ADAM12: variants seen among roughly 807,000 people sequenced by gnomAD.
The protein encoded by ADAM12 is ADAM metallopeptidase domain 12, also known as disintegrin and metalloproteinase domain-containing protein 12.
ADAM12 carries 70 observed loss-of-function variants against 106.4 expected under a neutral mutation model. The ratio of observed to expected loss-of-function variants is 0.66; its 90% CI spans 0.54 to 0.80. The LOEUF is 0.80. Ranked by LOEUF, ADAM12 falls within the 30% of genes least tolerant of loss-of-function variation. ADAM12 has a pLI of 0.00. For missense variants in ADAM12, 1,010 were observed against 1,171.9 expected, an observed-to-expected ratio of 0.86 and a Z score of 2.02; for synonymous variants, 420 against 433.5, an observed-to-expected ratio of 0.97 and a Z score of 0.39.
intron 3 of ADAM12, among the ~76,000 whole-genome samples, chr10:126,244,863 T>C: frequency 6.6e-6 from 1 of 152,038 alleles, no homozygotes; most frequent in East Asian, 1.9e-4. Context: ...GAAGATGATA[T>C]TGGAGTTGTA....
chr10:126,327,220 A>G (rs1406090967), intron 2 of ADAM12, among the ~76,000 whole-genome samples: 1 of 152,030 alleles, frequency 6.6e-6, no homozygotes, highest in Non-Finnish European at 1.5e-5. Context: ...TTGTCTTCAC[A>G]CTCTAGGATG....
rs534188658 is a variant in ADAM12 at position 126,322,547 on chromosome 10, C to T, written c.186+7865G>A. On this transcript the variant is annotated intron_variant, in intron 2 of 22. Coordinates refer to ENST00000448723, the MANE Select transcript of ADAM12 (RefSeq NM_001288973.2). ...GGAACTCCCAGGCCAGTGCCCTCCC[C>T]CCACACACAGCAAAGGCTTATCCAG... 1.7e-3 allele frequency among the ~76,000 whole-genome samples: 260 copies of T among 152,316 alleles called. 7 individuals carry two copies. The highest frequency in any genetic ancestry group is 0.01 in the South Asian group (49 of 4,834).
intron 14 of ADAM12, among the ~76,000 whole-genome samples, chr10:126,054,932 C>T (rs569364478): frequency 2.2e-4 from 34 of 152,200 alleles, no homozygotes; most frequent in African/African-American, 7.2e-4. Flanking sequence ...ACACCTGTAA[C>T]GATTCATGAT....
At chr10:126,333,011 G>T (rs889522894) in intron 1 of ADAM12, among the ~76,000 whole-genome samples, 1 of 152,172 alleles carries the variant, frequency 6.6e-6, no homozygotes, top group Non-Finnish European at 1.5e-5. Context: ...TAGCAGTTAT[G>T]GGGTGAAAAC....
rs1953597113 is a variant in ADAM12 at position 126,013,064 on chromosome 10, CT to C, written c.*4214del. 1 of 152,122 alleles carries C rather than the reference CT, an allele frequency of 6.6e-6. No homozygotes were observed. Among genetic ancestry groups the C allele is most frequent in the Non-Finnish European group, 1.5e-5 (1 of 68,040 alleles). The allele number at this position is 152,122 out of a possible 1,614,324, so 9.4% of individuals were successfully genotyped here. ...CTGAATAGCTTTACATTGAGAATTA[CT>C]TTGTATGTTAAATCTTCTGGCCATC... On this transcript the variant is annotated 3_prime_UTR_variant, in exon 23 of 23. Transcript: ENST00000448723. This position sits in a 1 kb window ranked among gnomAD's most constrained non-coding sequence, Gnocchi z 4.3.
chr10:126,119,855 T>C (rs1956053455), intron 5 of ADAM12, among the ~76,000 whole-genome samples: 1 of 152,208 alleles, frequency 6.6e-6, no homozygotes, highest in African/African-American at 2.4e-5. Context: ...GGCCTGCAGC[T>C]TGGTTTTCAT....
At chr10:126,326,506 C>T (rs768602949) in intron 2 of ADAM12, among the ~76,000 whole-genome samples, 5 of 152,174 alleles carry the variant, frequency 3.3e-5, no homozygotes, top group Non-Finnish European at 5.9e-5. Context: ...ACTTTCCCTT[C>T]AAAGTACGTC....
intron 14 of ADAM12, among the ~76,000 whole-genome samples, chr10:126,058,265 G>A (rs1954676510): frequency 6.6e-6 from 1 of 152,248 alleles, no homozygotes; most frequent in African/African-American, 2.4e-5. Context: ...GCGCATAGCA[G>A]ATGTGTTCCA....
chr10:126,384,076 A>G (rs539489562), intron 1 of ADAM12, among the ~76,000 whole-genome samples: 1 of 152,310 alleles, frequency 6.6e-6, no homozygotes, highest in East Asian at 1.9e-4. Flanking sequence ...ATATGATGCC[A>G]AGAGGTACAG....
At chr10:126,060,696 G>T (rs1954735497) in intron 14 of ADAM12, among the ~76,000 whole-genome samples, 1 of 152,222 alleles carries the variant, frequency 6.6e-6, no homozygotes, top group Non-Finnish European at 1.5e-5. Context: ...CCAGGGGCCT[G>T]GCTGAGGAAG....
chr10:126,125,518 C>T (rs113144459), intron 5 of ADAM12, among the ~76,000 whole-genome samples: 5,712 of 152,122 alleles, frequency 0.038, 362 homozygotes, highest in African/African-American at 0.13. Flanking sequence ...GCTGGAATTA[C>T]AGGCATGAGC....
intron 3 of ADAM12, among the ~76,000 whole-genome samples, chr10:126,193,264 C>CAAAAAAAAAAAAAAA (rs757716875): frequency 3.8e-5 from 1 of 26,630 alleles, no homozygotes; most frequent in Admixed American, 4.7e-4. Context: ...GACTCCATCT[C>CAAAAAAAAAAAAAAA]AAAAAAAAAA....
At chr10:126,314,121 T>C (rs1283668571) in intron 2 of ADAM12, among the ~76,000 whole-genome samples, 1 of 152,012 alleles carries the variant, frequency 6.6e-6, no homozygotes, top group Non-Finnish European at 1.5e-5. Context: ...AGAAGCCAAG[T>C]GTGGAGGATG....
At chr10:126,255,971 A>G (rs1477494589) in intron 3 of ADAM12, among the ~76,000 whole-genome samples, 1 of 152,168 alleles carries the variant, frequency 6.6e-6, no homozygotes, top group Non-Finnish European at 1.5e-5. Flanking sequence ...GCATCTCGTC[A>G]GGGCACTTAC....
At chr10:126,360,706 T>C (rs1419998400) in intron 1 of ADAM12, among the ~76,000 whole-genome samples, 1 of 152,200 alleles carries the variant, frequency 6.6e-6, no homozygotes, top group African/African-American at 2.4e-5. Flanking sequence ...TTTTCCTGTC[T>C]TCTTCTGAGC....
chr10:126,038,213 T>C, intron 20 of ADAM12, 28 bp downstream of exon 20: 1 of 1,571,376 alleles, frequency 6.4e-7, no homozygotes, highest in South Asian at 1.2e-5. Context: ...ATGTGTGCCC[T>C]GAGCACTCAC....
chr10:126,164,150 T>C (rs1431135564), intron 3 of ADAM12, among the ~76,000 whole-genome samples: 1 of 152,224 alleles, frequency 6.6e-6, no homozygotes, highest in Non-Finnish European at 1.5e-5. Flanking sequence ...TTACTTAGAA[T>C]ATGAAAAAAC....
At chr10:126,212,675 A>G (rs904125742) in intron 3 of ADAM12, among the ~76,000 whole-genome samples, 1 of 152,204 alleles carries the variant, frequency 6.6e-6, no homozygotes, top group African/African-American at 2.4e-5. Flanking sequence ...AGCCACTGAT[A>G]CAGGTATCTC....
chr10:126,251,198 T>G (rs1252006372), intron 3 of ADAM12, among the ~76,000 whole-genome samples: 2 of 152,224 alleles, frequency 1.3e-5, no homozygotes, highest in Non-Finnish European at 2.9e-5. Flanking sequence ...GATCCCCAAG[T>G]GGTCTGGTCC....
Sources: allele counts gnomAD v4.1 joint callset (sites outside exome capture counted in the v4.1 genomes callset), GRCh38; gene constraint gnomAD v4.1.1; non-coding constraint Gnocchi (gnomAD v3.1); transcripts MANE v1.5; gene names NCBI Gene and HGNC (gene_info 2026-07-23, HGNC 2026-07-21).